Variants in KCNK17 observed in about 807,000 individuals in gnomAD.
KCNK17 encodes the protein potassium two pore domain channel subfamily K member 17, also known as potassium channel subfamily K member 17.
Under a neutral mutation model 24.6 loss-of-function variants are expected in KCNK17, and 27 were observed. The observed-to-expected ratio is 1.10, with a 90% CI of 0.81 to 1.51. The LOEUF (loss-of-function observed/expected upper bound fraction) is 1.51. Ranked by LOEUF, KCNK17 falls within the 40% of genes most tolerant of loss-of-function variation. KCNK17 has a pLI of 0.00. For synonymous variants in KCNK17, 181 were observed against 189.8 expected (o/e 0.95, Z 0.38); for missense variants, 450 against 436.6 (o/e 1.03, Z -0.27).
chr6:39,303,876 G>A (rs1008341341), intron 4 of KCNK17, 81 bp downstream of exon 4: 9 of 1,481,770 alleles, frequency 6.1e-6, no homozygotes, highest in Middle Eastern at 1.7e-4. Context: ...CACACAGCAG[G>A]TGCGCCAGCT....
Position 39,299,180 on chromosome 6 carries a change from C to G in KCNK17, c.*247G>C. On this transcript the variant is annotated 3_prime_UTR_variant, in exon 5 of 5. Coordinates refer to ENST00000373231, the MANE Select transcript of KCNK17 (RefSeq NM_031460.4). ...CTGCCAGAGCTCCCAGCCATCATAT[C>G]GGCGGCATTGCAGCCCGCTAAAGTA... 3 of 500,320 alleles carry G rather than the reference C, an allele frequency of 6.0e-6. 1 individual carries two copies. Among genetic ancestry groups the G allele is most frequent in the South Asian group, 5.2e-5 (2 of 38,244 alleles). 31.0% of individuals were successfully genotyped at this position (500,320 alleles called of 1,614,324 possible).
At position 39,314,414 on chromosome 6, in the gene KCNK17, A is replaced by C; in HGVS notation, c.-94T>G. The C allele has an allele frequency of 1.1e-6, 1 of 919,728 alleles. No individual in the cohort carries two copies. Among genetic ancestry groups the C allele is most frequent in the Non-Finnish European group, 1.5e-6 (1 of 652,170 alleles). The allele number at this position is 919,728 out of a possible 1,614,324, so 57.0% of individuals were successfully genotyped here. A position where few individuals can be genotyped will look rare whatever the true frequency, so the allele number is the denominator to read the frequency against. On this transcript the variant is annotated 5_prime_UTR_variant, in exon 1 of 5. Coordinates refer to ENST00000373231, the MANE Select transcript of KCNK17 (RefSeq NM_031460.4). ...GTCCAGCTCGTATCTCCTCTCGCAA[A>C]CGCCTGCTGGTGCCCGGTTTCGCCG...
At position 39,314,079 on chromosome 6, in the gene KCNK17, C is replaced by T. The variant is rs375910334; in HGVS notation, c.237+5G>A. Reference sequence around the variant, plus strand: ...GCGCCCAGGCCGACGCCGCTCGCCCCTGACCCGGATCAGCGAGTCCAGCGC... The same window carrying T: ...GCGCCCAGGCCGACGCCGCTCGCCCTTGACCCGGATCAGCGAGTCCAGCGC... On this transcript the variant is annotated splice_donor_5th_base_variant and intron_variant, in intron 1 of 4. Coordinates refer to ENST00000373231, the MANE Select transcript of KCNK17 (RefSeq NM_031460.4). The T allele has an allele frequency of 1.5e-5, 23 of 1,576,134 alleles. No individual in the cohort carries two copies. In the African/African-American group the frequency reaches 3.0e-4, roughly 21 times the overall value.
intron 1 of KCNK17, among the ~76,000 whole-genome samples, chr6:39,312,236 G>A (rs1762152749): frequency 6.6e-6 from 1 of 152,208 alleles, no homozygotes; most frequent in African/African-American, 2.4e-5. Flanking sequence ...GGGCTGGGAG[G>A]AGGAGGACCA....
chr6:39,314,243 C>T lies in KCNK17; in HGVS notation c.78G>A (p.Leu26=). 6.5e-7 allele frequency: 1 copy of T among 1,536,698 alleles called. No homozygotes were observed. Among genetic ancestry groups the T allele is most frequent in the Non-Finnish European group, 8.7e-7 (1 of 1,145,964 alleles). Residue 26 remains leucine (L), a synonymous_variant, in exon 1 of 5, where the codon CTG becomes CTA. Transcript: ENST00000373231. ...GCGCCAGGTAAGCCAGGTAGGCGAG[C>T]AGCAGGAGCACGGTGCTGGGCACCG... ...GCAVPSTVLL[L]LAYLAYLALG...
intron 2 of KCNK17, among the ~76,000 whole-genome samples, chr6:39,308,119 G>A (rs1392922629): frequency 6.6e-6 from 1 of 152,126 alleles, no homozygotes; most frequent in Non-Finnish European, 1.5e-5. Flanking sequence ...CCCACTACCT[G>A]ATTATTGTCC....
intron 1 of KCNK17, among the ~76,000 whole-genome samples, chr6:39,312,910 C>T (rs889401552): frequency 6.6e-6 from 1 of 152,198 alleles, no homozygotes; most frequent in Non-Finnish European, 1.5e-5. Context: ...CCCTGGCTAC[C>T]TCCTGACCTC....
At chr6:39,311,806 G>A (rs1032415378) in intron 1 of KCNK17, among the ~76,000 whole-genome samples, 1 of 152,146 alleles carries the variant, frequency 6.6e-6, no homozygotes, top group South Asian at 2.1e-4. Flanking sequence ...AGGATGTTTA[G>A]GTAGATGGGA....
At chr6:39,300,480 C>A (rs1315198254) in intron 4 of KCNK17, 9 of 1,550,786 alleles carry the variant, frequency 5.8e-6, no homozygotes, top group Non-Finnish European at 7.9e-6. Flanking sequence ...CTAGTGTTTG[C>A]CAGTCTCTGT....
chr6:39,304,552 C>T lies in KCNK17; in HGVS notation c.456G>A (p.Gly152=). Reference sequence around the variant, plus strand: ...GGTTTACTCCCTGCTGCATGAGATGCCCCAGTCGGTTGAGCACCACGAGGT... The same window carrying T: ...GGTTTACTCCCTGCTGCATGAGATGTCCCAGTCGGTTGAGCACCACGAGGT... The part of the protein sequence containing the change: ...PLNLVVLNRL[G]HLMQQGVNHW... The change falls in exon 3 of 5, where the codon GGG becomes GGA. Residue 152 remains glycine (G), a synonymous_variant. Transcript: ENST00000373231. 1.2e-6 allele frequency: 2 copies of T among 1,614,138 alleles called. No homozygotes were observed. The highest frequency in any genetic ancestry group is 8.5e-7 in the Non-Finnish European group (1 of 1,179,984).
rs769305530 is a variant in KCNK17, at chr6:39,299,050, G to A, written c.*377C>T. 2 of 211,668 alleles carry A rather than the reference G, an allele frequency of 9.4e-6. No homozygotes were observed. Among genetic ancestry groups the A allele is most frequent in the Non-Finnish European group, 1.9e-5 (2 of 105,144 alleles). The allele number at this position is 211,668 out of a possible 1,614,324, so 13.1% of individuals were successfully genotyped here. On this transcript the variant is annotated 3_prime_UTR_variant, in exon 5 of 5. Transcript: ENST00000373231. ...TTCTCTCTCACATAAAGGAGGTCGGGTGATATTCCGTTTGTTAGGATGGCT... is the reference window on the plus strand; with the variant it reads ...TTCTCTCTCACATAAAGGAGGTCGGATGATATTCCGTTTGTTAGGATGGCT...
chr6:39,312,483 C>A (rs1428964224), intron 1 of KCNK17, among the ~76,000 whole-genome samples: 2 of 152,196 alleles, frequency 1.3e-5, no homozygotes, highest in Admixed American at 1.3e-4. Flanking sequence ...AGTATTTATG[C>A]TGGTTAACAG....
intron 4 of KCNK17, among the ~76,000 whole-genome samples, chr6:39,301,961 G>A (rs1761958467): frequency 6.6e-6 from 1 of 152,240 alleles, no homozygotes; most frequent in Non-Finnish European, 1.5e-5. Flanking sequence ...AACATGGGTG[G>A]TGTGAAGGGC....
intron 1 of KCNK17, among the ~76,000 whole-genome samples, chr6:39,312,553 C>T (rs1762157761): frequency 6.6e-6 from 1 of 152,178 alleles, no homozygotes. Flanking sequence ...CCTGTTTCTT[C>T]ACCTCTGAAA....
chr6:39,300,416 G>A (rs1287728709), intron 4 of KCNK17: 3 of 1,418,606 alleles, frequency 2.1e-6, no homozygotes, highest in Non-Finnish European at 2.9e-6. Context: ...GAGCCACCGT[G>A]CCCGGCCAGA....
rs145755259 is a variant in KCNK17, at chr6:39,300,174, G to A, written c.689-437C>T. Among the ~76,000 whole-genome samples, 308 of 152,298 alleles carry A rather than the reference G, an allele frequency of 2.0e-3. 1 individual carries two copies. Among genetic ancestry groups the A allele is most frequent in the African/African-American group, 7.0e-3 (293 of 41,562 alleles). ...GTCTCACTCTGTTGCCCAGGCTGGA[G>A]TTTAGTGGCGTGATCTCGGCTCACT... On this transcript the variant is annotated intron_variant, in intron 4 of 4. Transcript: ENST00000373231.
chr6:39,304,139 T>C lies in KCNK17; in HGVS notation c.514-8A>G, dbSNP rs1333113204. The C allele has an allele frequency of 1.2e-6, 2 of 1,605,324 alleles. No individual in the cohort carries two copies. Among genetic ancestry groups the C allele is most frequent in the Admixed American group, 3.3e-5 (2 of 59,970 alleles). ...CCGCGCCTTGTCAGGATCCTGTGGG[T>C]GCAACATTGTCCCCAGGCCTCCTGA... On this transcript the variant is annotated splice_region_variant and splice_polypyrimidine_tract_variant and intron_variant, in intron 3 of 4. Transcript: ENST00000373231.
intron 1 of KCNK17, among the ~76,000 whole-genome samples, chr6:39,312,053 G>A (rs751940691): frequency 4.6e-5 from 7 of 152,166 alleles, no homozygotes; most frequent in Non-Finnish European, 7.3e-5. Context: ...AGTGATAGAC[G>A]GGCCCTGGCC....
intron 4 of KCNK17, chr6:39,300,483 GTC>G (rs1236845229): frequency 1.4e-5 from 22 of 1,550,944 alleles, no homozygotes; most frequent in Non-Finnish European, 1.8e-5. Context: ...GTGTTTGCCA[GTC>G]TCTGTTTGGT....
Sources: gnomAD v4.1 joint callset for allele counts (sites outside exome capture counted in the v4.1 genomes callset) on GRCh38, gnomAD v4.1.1 for gene constraint, MANE v1.5 for transcripts, NCBI Gene and HGNC (gene_info 2026-07-23, HGNC 2026-07-21) for gene names.